The following COL14A1 variants were observed in gnomAD, a reference collection of about 807,000 sequenced individuals.
COL14A1 encodes the protein collagen alpha-1(XIV) chain.
COL14A1 carries 136 observed loss-of-function variants against 230.3 expected under a neutral mutation model. That is an observed-to-expected ratio of 0.59 (90% CI 0.51 to 0.68). The LOEUF (loss-of-function observed/expected upper bound fraction) is 0.68. Among genes scored for constraint, COL14A1 ranks in the 30% least tolerant of loss-of-function variants. The pLI is 0.00. For synonymous variants in COL14A1, 792 were observed against 784.1 expected (o/e 1.01, Z -0.17); for missense variants, 1,976 against 2,215.8 (o/e 0.89, Z 2.17).
intron 26 of COL14A1, among the ~76,000 whole-genome samples, chr8:120,273,992 T>C (rs138395003): frequency 4.7e-4 from 72 of 151,868 alleles, no homozygotes; most frequent in African/African-American, 1.7e-3. Context: ...GAAGCCAGTA[T>C]TACCTGATAC....
rs1391622535 is a variant in COL14A1, at chr8:120,162,518, A to G, written c.298A>G (p.Ile100Val). 2 of 1,611,248 alleles carry G rather than the reference A, an allele frequency of 1.2e-6. No individual in the cohort carries two copies. Among genetic ancestry groups the G allele is most frequent in the Non-Finnish European group, 1.7e-6 (2 of 1,178,832 alleles). Residue 100 changes from isoleucine to valine, a missense_variant, in exon 4 of 48, where the codon ATT becomes GTT. Physicochemically the swap from Ile to Val is conservative, Grantham distance 29. Coordinates refer to ENST00000297848, the MANE Select transcript of COL14A1 (RefSeq NM_021110.4). ...AGACCAGAATTACACAGTTCAAATT[A>G]TTGCATACAATAAAGATAAAGAAAG... ...MPDQNYTVQI[I>V]AYNKDKESKP...
intron 1 of COL14A1, among the ~76,000 whole-genome samples, chr8:120,145,197 A>G (rs2130452438): frequency 6.6e-6 from 1 of 152,352 alleles, no homozygotes; most frequent in Middle Eastern, 3.4e-3. Flanking sequence ...AAATCAGAAT[A>G]TATTGAAAAC....
chr8:120,313,217 A>T (rs998047947), intron 37 of COL14A1, among the ~76,000 whole-genome samples: 3 of 152,040 alleles, frequency 2.0e-5, no homozygotes, highest in African/African-American at 7.2e-5. Context: ...AAAATTAGGC[A>T]GGTGTGGTGG....
chr8:120,355,989 C>T (rs1266206487), intron 45 of COL14A1, among the ~76,000 whole-genome samples: 3 of 152,148 alleles, frequency 2.0e-5, no homozygotes, highest in African/African-American at 7.2e-5. Flanking sequence ...ATTGCATCTG[C>T]CAAGTGTTGC....
At chr8:120,244,538 C>T (rs1818706820) in intron 20 of COL14A1, among the ~76,000 whole-genome samples, 1 of 152,122 alleles carries the variant, frequency 6.6e-6, no homozygotes, top group Admixed American at 6.5e-5. Context: ...TCATCCCCTT[C>T]CCACCCTTTC....
intron 40 of COL14A1, among the ~76,000 whole-genome samples, chr8:120,321,999 T>G (rs1246091114): frequency 1.3e-5 from 2 of 152,176 alleles, no homozygotes; most frequent in African/African-American, 4.8e-5. Context: ...TTTGATAGAC[T>G]ATTGCTGGCA....
intron 24 of COL14A1, among the ~76,000 whole-genome samples, chr8:120,264,575 C>G (rs1269921681): frequency 6.6e-6 from 1 of 152,106 alleles, no homozygotes; most frequent in Admixed American, 6.6e-5. Flanking sequence ...TGTCATCTAG[C>G]AAGTACTTTT....
At chr8:120,221,894 G>A (rs2130792888) in intron 14 of COL14A1, among the ~76,000 whole-genome samples, 1 of 152,294 alleles carries the variant, frequency 6.6e-6, no homozygotes, top group South Asian at 2.1e-4. Context: ...CTGACTCTTT[G>A]TAAGTGCTCA....
intron 5 of COL14A1, among the ~76,000 whole-genome samples, chr8:120,190,312 G>A (rs1437289037): frequency 5.3e-5 from 8 of 152,100 alleles, no homozygotes; most frequent in Non-Finnish European, 8.8e-5. Context: ...CGTGTCCTTC[G>A]CCCACTTTTT....
intron 5 of COL14A1, among the ~76,000 whole-genome samples, chr8:120,172,573 T>C (rs745937246): frequency 6.6e-6 from 1 of 152,156 alleles, no homozygotes; most frequent in Non-Finnish European, 1.5e-5. Flanking sequence ...CTTAAGGGTG[T>C]GCTCCTTCAG....
chr8:120,178,919 G>T (rs906887892), intron 5 of COL14A1, among the ~76,000 whole-genome samples: 18 of 146,638 alleles, frequency 1.2e-4, no homozygotes, highest in Admixed American at 6.1e-4. Context: ...CTTTTTGATG[G>T]TTTTTTTTTT....
chr8:120,286,693 T>G (rs76884647), intron 33 of COL14A1, among the ~76,000 whole-genome samples: 4,075 of 152,122 alleles, frequency 0.027, 183 homozygotes, highest in African/African-American at 0.092. Flanking sequence ...GTATTTTTAG[T>G]GGAGCCAGGA....
chr8:120,342,091 G>C (rs543931144), intron 43 of COL14A1, among the ~76,000 whole-genome samples: 2 of 152,186 alleles, frequency 1.3e-5, no homozygotes, highest in African/African-American at 4.8e-5. Context: ...TATATCACGT[G>C]TTAAATATAT....
chr8:120,175,292 A>G (rs1816243452), intron 5 of COL14A1, among the ~76,000 whole-genome samples: 1 of 152,234 alleles, frequency 6.6e-6, no homozygotes, highest in African/African-American at 2.4e-5. Context: ...TTGTCCAAAC[A>G]GCTTTCTTTA....
rs949541892 is a variant in COL14A1 at position 120,215,413 on chromosome 8, TAGGA to T, written c.1598-926_1598-923del. Among the ~76,000 whole-genome samples the T allele has an allele frequency of 1.4e-3, 202 of 144,108 alleles. 4 individuals are homozygous for T. Among genetic ancestry groups the T allele is most frequent in the African/African-American group, 5.0e-3 (196 of 38,814 alleles). 94.5% of individuals were successfully genotyped at this position (144,108 alleles called of 152,430 possible). ...AAAGGAAGGAAGGAAGGAAGGAAGGTAGGAAGGAAGGAAGGGAGGGGAAAAAAGA... is the reference window on the plus strand; with the variant it reads ...AAAGGAAGGAAGGAAGGAAGGAAGGTAGGAAGGAAGGGAGGGGAAAAAAGA... On this transcript the variant is annotated intron_variant, in intron 13 of 47. Coordinates refer to ENST00000297848, the MANE Select transcript of COL14A1 (RefSeq NM_021110.4).
intron 4 of COL14A1, among the ~76,000 whole-genome samples, chr8:120,165,783 T>G (rs1815847772): frequency 6.6e-6 from 1 of 152,188 alleles, no homozygotes. Context: ...AGACACAAGA[T>G]GGAAATAAAG....
chr8:120,171,794 C>T (rs1414687042), intron 5 of COL14A1, among the ~76,000 whole-genome samples: 1 of 152,084 alleles, frequency 6.6e-6, no homozygotes, highest in Non-Finnish European at 1.5e-5. Flanking sequence ...TTCTCAGCAA[C>T]TTATATTCAT....
At chr8:120,291,244 T>C (rs1820365299) in intron 34 of COL14A1, among the ~76,000 whole-genome samples, 2 of 152,048 alleles carry the variant, frequency 1.3e-5, no homozygotes, top group Non-Finnish European at 2.9e-5. Context: ...ACTTGGATGA[T>C]GAATGAATAG....
At chr8:120,261,872 A>G (rs763977727) in intron 23 of COL14A1, among the ~76,000 whole-genome samples, 1 of 152,098 alleles carries the variant, frequency 6.6e-6, no homozygotes, top group Non-Finnish European at 1.5e-5. Context: ...TGTCTTTTGC[A>G]ATTGAAGGAA....
Sources: gnomAD v4.1 joint callset for allele counts (sites outside exome capture counted in the v4.1 genomes callset) on GRCh38, gnomAD v4.1.1 for gene constraint, MANE v1.5 for transcripts, NCBI Gene and HGNC (gene_info 2026-07-23, HGNC 2026-07-21) for gene names.